The following PTPRA variants were observed in gnomAD, a reference collection of about 807,000 sequenced individuals.
The protein encoded by PTPRA is receptor-type tyrosine-protein phosphatase alpha.
PTPRA carries 25 observed loss-of-function variants against 104.8 expected under a neutral mutation model. The ratio of observed to expected loss-of-function variants is 0.24; its 90% CI spans 0.17 to 0.33. The LOEUF (loss-of-function observed/expected upper bound fraction) is 0.33. Among genes scored for constraint, PTPRA ranks in the 10% least tolerant of loss-of-function variants. PTPRA has a pLI of 1.00. For synonymous variants in PTPRA, 323 were observed against 368.9 expected, an observed-to-expected ratio of 0.88 and a Z score of 1.43; for missense variants, 765 against 1,015.3, an observed-to-expected ratio of 0.75 and a Z score of 3.35.
intron 2 of PTPRA, among the ~76,000 whole-genome samples, chr20:2,929,546 C>G (rs895854890): frequency 6.6e-6 from 1 of 152,026 alleles, no homozygotes; most frequent in Non-Finnish European, 1.5e-5. Flanking sequence ...CTTTAAAGAC[C>G]GGGCATGGTA....
In PTPRA at chr20:2,991,961, A is replaced by G. The variant is rs535559391; in HGVS notation, c.738+3487A>G. Among the ~76,000 whole-genome samples the G allele has an allele frequency of 2.6e-5, 4 of 152,300 alleles. No homozygotes were observed. In the South Asian group the frequency reaches 6.2e-4, roughly 24 times the overall value. On this transcript the variant is annotated intron_variant, in intron 9 of 23. Transcript: ENST00000399903. ...TCTTCACTAGGAGAATTTCTCTTTT[A>G]TACACATTCAAAGCCATCACTTAAG... is the stretch of plus-strand genomic sequence containing the variant.
chr20:2,956,100 T>G (rs945517830), intron 3 of PTPRA, among the ~76,000 whole-genome samples: 9 of 152,316 alleles, frequency 5.9e-5, no homozygotes, highest in Admixed American at 3.9e-4. Context: ...CTTCTCAGTC[T>G]CCTTTAGATA....
At chr20:2,878,537 T>C (rs2146791548) in intron 1 of PTPRA, among the ~76,000 whole-genome samples, 1 of 152,358 alleles carries the variant, frequency 6.6e-6, no homozygotes, top group Non-Finnish European at 1.5e-5. Context: ...CAATCCTTTT[T>C]ATTCTTTTAT....
intron 1 of PTPRA, among the ~76,000 whole-genome samples, chr20:2,895,665 C>T (rs975772343): frequency 6.6e-6 from 1 of 152,092 alleles, no homozygotes; most frequent in Non-Finnish European, 1.5e-5. Context: ...TACAGATGTG[C>T]ACCACCAAAC....
At chr20:2,866,034 C>G in the PTPRA span, 1 of 626,080 alleles carries the variant, frequency 1.6e-6, no homozygotes, top group East Asian at 2.8e-5. Flanking sequence ...TGATTTCTGC[C>G]CTAAGAATGT....
rs376020393 is a variant in PTPRA at position 3,027,699 on chromosome 20, C to T, written c.1786-8C>T. The T allele has an allele frequency of 3.8e-5, 62 of 1,613,322 alleles. No individual in the cohort carries two copies. Among genetic ancestry groups the T allele is most frequent in the Non-Finnish European group, 5.1e-5 (60 of 1,179,768 alleles). On this transcript the variant is annotated splice_polypyrimidine_tract_variant and splice_region_variant and intron_variant, in intron 19 of 23. Transcript: ENST00000399903. ...ATCTCACCCTTGCAATTAACCTGGC[C>T]TGTGCAGGGCTACCGGCAGAAGGAC...
intron 5 of PTPRA, among the ~76,000 whole-genome samples, chr20:2,974,190 G>A (rs2062322439): frequency 6.6e-6 from 1 of 151,672 alleles, no homozygotes; most frequent in Non-Finnish European, 1.5e-5. Flanking sequence ...TCCTGACTTT[G>A]TGATCTGCCC....
At chr20:2,943,217 C>CCA (rs2060992163) in intron 2 of PTPRA, among the ~76,000 whole-genome samples, 1 of 145,616 alleles carries the variant, frequency 6.9e-6, no homozygotes, top group South Asian at 2.4e-4. Flanking sequence ...CCCCCCACCC[C>CCA]CCCCCCAGAT....
At chr20:2,968,497 CT>C (rs367832776) in intron 5 of PTPRA, among the ~76,000 whole-genome samples, 5,262 of 115,240 alleles carry the variant, frequency 0.046, 123 homozygotes, top group Non-Finnish European at 0.063. Context: ...CCCCCTCTTC[CT>C]TTTTTTTTTT....
intron 1 of PTPRA, among the ~76,000 whole-genome samples, chr20:2,874,510 G>A (rs2089587150): frequency 6.6e-6 from 1 of 152,114 alleles, no homozygotes; most frequent in Non-Finnish European, 1.5e-5. Context: ...CCTCTGCAGG[G>A]TGAACGCCAT....
the PTPRA span, among the ~76,000 whole-genome samples, chr20:2,867,031 CTT>C: frequency 1.3e-5 from 2 of 152,266 alleles, no homozygotes; most frequent in East Asian, 1.9e-4. Flanking sequence ...ACGCTAAACA[CTT>C]TTGCTGCCTG....
chr20:3,014,001 A>G (rs866849772), intron 11 of PTPRA, among the ~76,000 whole-genome samples: 1 of 152,200 alleles, frequency 6.6e-6, no homozygotes, highest in Admixed American at 6.5e-5. Context: ...GGGCCTTCCA[A>G]CCAGGTGTTC....
intron 1 of PTPRA, among the ~76,000 whole-genome samples, chr20:2,910,002 ATCATATATCATATATAATC>A (rs2059596459): frequency 3.1e-5 from 2 of 64,522 alleles, no homozygotes; most frequent in African/African-American, 2.2e-4. Flanking sequence ...TATATAATCT[ATCATATATCATATATAATC>A]TATCATATAT....
chr20:3,021,278 G>T, intron 13 of PTPRA, 31 bp from the exon 14 acceptor site: 2 of 1,613,170 alleles, frequency 1.2e-6, no homozygotes, highest in Non-Finnish European at 1.7e-6. Flanking sequence ...GGAGGTCTAA[G>T]GTCAGGGAAT....
intron 3 of PTPRA, among the ~76,000 whole-genome samples, chr20:2,958,866 G>C (rs1055005104): frequency 7.3e-6 from 1 of 136,714 alleles, no homozygotes. Context: ...AAAAAAAAAA[G>C]AACAGGGACT....
At chr20:2,986,398 ATATTCCAG>A (rs1472227706) in intron 6 of PTPRA, among the ~76,000 whole-genome samples, 1 of 152,224 alleles carries the variant, frequency 6.6e-6, no homozygotes, top group African/African-American at 2.4e-5. Context: ...ATGCCTCCAG[ATATTCCAG>A]TGCTTTTTAT....
intron 13 of PTPRA, among the ~76,000 whole-genome samples, chr20:3,020,339 C>G (rs2064800470): frequency 1.3e-5 from 2 of 152,150 alleles, no homozygotes; most frequent in Admixed American, 6.5e-5. Flanking sequence ...ACCTCGTGAT[C>G]CACCCACCTC....
Position 3,037,722 on chromosome 20 carries a change from G to A in PTPRA, c.2335-337G>A, listed in dbSNP as rs1386640363. ...GTGAATGTTAGGAGGTTTGGGAGAC[G>A]AGGTTCTGAGAGCCAGGGTGCATGC... On this transcript the variant is annotated intron_variant, in intron 23 of 23. Transcript: ENST00000399903. The surrounding 1 kb of genome is among the most constrained non-coding windows in gnomAD (Gnocchi z 4.3). 6.6e-6 allele frequency among the ~76,000 whole-genome samples: 1 copy of A among 152,196 alleles called. No homozygotes were observed. The highest frequency in any genetic ancestry group is 1.5e-5 in the Non-Finnish European group (1 of 68,030).
chr20:2,955,614 C>T, intron 3 of PTPRA: 1 of 985,018 alleles, frequency 1.0e-6, no homozygotes, highest in Non-Finnish European at 1.2e-6. Context: ...TCTAGGACTT[C>T]TTCAGAAGCT....
Sources: allele counts gnomAD v4.1 joint callset (sites outside exome capture counted in the v4.1 genomes callset), GRCh38; gene constraint gnomAD v4.1.1; non-coding constraint Gnocchi (gnomAD v3.1); transcripts MANE v1.5; gene names NCBI Gene and HGNC (gene_info 2026-07-23, HGNC 2026-07-21).